CXXC5: variants seen among roughly 807,000 people sequenced by gnomAD.
CXXC5 encodes the protein CXXC finger protein 5.
Under a neutral mutation model 17.6 loss-of-function variants are expected in CXXC5, and 2 were observed. That is an observed-to-expected ratio of 0.11 (90% confidence interval 0.05 to 0.36). CXXC5 has a LOEUF of 0.36. Among genes scored for constraint, CXXC5 ranks in the 10% least tolerant of loss-of-function variants. CXXC5 has a pLI of 1.00. For missense variants in CXXC5, 343 were observed against 458.3 expected, an observed-to-expected ratio of 0.75 and a Z score of 2.30; for synonymous variants, 171 against 193.0, an observed-to-expected ratio of 0.89 and a Z score of 0.94.
chr5:139,648,997 C>T (rs920855927), intron 1 of CXXC5, 152 bp downstream of exon 1: 1 of 152,176 alleles, frequency 6.6e-6, no homozygotes, highest in African/African-American at 2.4e-5. Context: ...GCGCGGGTTC[C>T]CCCGAAGTTC....
At chr5:139,650,351 C>T (rs1755099268) in intron 1 of CXXC5, among the ~76,000 whole-genome samples, 1 of 152,220 alleles carries the variant, frequency 6.6e-6, no homozygotes, top group African/African-American at 2.4e-5. Flanking sequence ...CCCACCTTTC[C>T]TCGCGCGGCG....
In CXXC5 at chr5:139,680,947, G is replaced by A; in HGVS notation, c.424G>A (p.Ala142Thr). 6.2e-7 allele frequency: 1 copy of A among 1,601,776 alleles called. No homozygotes were observed. The highest frequency in any genetic ancestry group is 8.5e-7 in the Non-Finnish European group (1 of 1,179,940). The change falls in exon 2 of 3, where the codon GCC becomes ACC. Residue 142 changes from alanine to threonine, a missense_variant. Ala to Thr is a moderately conservative substitution (Grantham distance 58). Coordinates refer to ENST00000302517, the MANE Select transcript of CXXC5 (RefSeq NM_016463.9). Reference sequence around the variant, plus strand: ...CTCAAAGCACAAAAGTGGTGCTGTGGCCAGCCTGCTGAGCAAGGCAGAGCG... The same window carrying A: ...CTCAAAGCACAAAAGTGGTGCTGTGACCAGCCTGCTGAGCAAGGCAGAGCG... ...PTSKHKSGAV[A>T]SLLSKAERAT...
rs75531555 is a variant in CXXC5 at position 139,659,044 on chromosome 5, G to A, written c.-161+10199G>A. 1.0e-2 allele frequency among the ~76,000 whole-genome samples: 1,517 copies of A among 152,260 alleles called. 16 individuals are homozygous for A. Among genetic ancestry groups the A allele is most frequent in the Middle Eastern group, 0.041 (12 of 294 alleles). On this transcript the variant is annotated intron_variant, in intron 1 of 2. Transcript: ENST00000302517. ...GGGACCTGCAGTCAACCCCTTTCAG[G>A]AAGAGCACAGTGGGGGATGCGTGGC...
intron 1 of CXXC5, among the ~76,000 whole-genome samples, chr5:139,679,432 C>T (rs3822742): frequency 1.3e-5 from 2 of 151,852 alleles, no homozygotes; most frequent in Non-Finnish European, 2.9e-5. Context: ...CTGTAGCAGG[C>T]GGGGAGAAGA....
Position 139,680,529 on chromosome 5 carries a change from G to T in CXXC5, c.6G>T (p.Ser2=), listed in dbSNP as rs368558479. The T allele has an allele frequency of 3.9e-6, 6 of 1,556,824 alleles. No individual in the cohort carries two copies. In the East Asian group the frequency reaches 1.5e-4, roughly 38 times the overall value. The change falls in exon 2 of 3, where the codon TCG becomes TCT. Residue 2 remains serine, a synonymous_variant. Coordinates refer to ENST00000302517, the MANE Select transcript of CXXC5 (RefSeq NM_016463.9). ...GTCTGGGCCTCGGCCCCACCATGTC[G>T]AGCCTCGGCGGTGGCTCCCAGGATG... M[S]SLGGGSQDAG... is the part of the protein sequence containing the mutation.
At chr5:139,654,212 C>G (rs1461982439) in intron 1 of CXXC5, among the ~76,000 whole-genome samples, 1 of 152,194 alleles carries the variant, frequency 6.6e-6, no homozygotes, top group African/African-American at 2.4e-5. Flanking sequence ...CTGGGTGTCC[C>G]TTGTCAGAGC....
In CXXC5 at chr5:139,680,744, G is replaced by A; in HGVS notation, c.221G>A (p.Arg74His). Residue 74 changes from arginine to histidine, a missense_variant, in exon 2 of 3, where the codon CGC becomes CAC. Physicochemically the swap from Arg to His is conservative, Grantham distance 29. Transcript: ENST00000302517. ...AGTGAGCCCCTCAACAAGAGCCTGCGCCGCTCCCGCCCGCTCTCCCACTAC... is the reference window on the plus strand; with the variant it reads ...AGTGAGCCCCTCAACAAGAGCCTGCACCGCTCCCGCCCGCTCTCCCACTAC... ...IISEPLNKSLRRSRPLSHYSS... is the reference protein window; with the variant it reads ...IISEPLNKSLHRSRPLSHYSS... 6.2e-7 allele frequency: 1 copy of A among 1,613,510 alleles called. No homozygotes were observed.
chr5:139,653,489 T>C (rs1381997136), intron 1 of CXXC5, among the ~76,000 whole-genome samples: 1 of 152,194 alleles, frequency 6.6e-6, no homozygotes, highest in Non-Finnish European at 1.5e-5. Flanking sequence ...AGCATGTGTG[T>C]CTGGCTGCCA....
In CXXC5 at chr5:139,661,462, A is replaced by G. The variant is rs1165273398; in HGVS notation, c.-161+12617A>G. Among the ~76,000 whole-genome samples the G allele has an allele frequency of 1.3e-5, 2 of 152,192 alleles. No homozygotes were observed. The highest frequency in any genetic ancestry group is 1.9e-4 in the East Asian group (1 of 5,196). On this transcript the variant is annotated intron_variant, in intron 1 of 2. Transcript: ENST00000302517. This position sits in a 1 kb window ranked among gnomAD's most constrained non-coding sequence, Gnocchi z 4.7. Reference sequence around the variant, plus strand: ...AGACTCGGTCACATGCACCATGCACACACAGCTCCCATGTGGTGCTCCAGA... The same window carrying G: ...AGACTCGGTCACATGCACCATGCACGCACAGCTCCCATGTGGTGCTCCAGA...
At chr5:139,677,097 C>T (rs916707404) in intron 1 of CXXC5, among the ~76,000 whole-genome samples, 7 of 152,040 alleles carry the variant, frequency 4.6e-5, no homozygotes, top group Admixed American at 1.3e-4. Flanking sequence ...GGCGGGGCGG[C>T]GGGGCGCTGG....
intron 1 of CXXC5, among the ~76,000 whole-genome samples, chr5:139,675,181 G>A (rs1270715250): frequency 6.6e-6 from 1 of 152,162 alleles, no homozygotes; most frequent in Non-Finnish European, 1.5e-5. Context: ...GGCTGCTGTC[G>A]AGGTAGGTGC....
At chr5:139,651,413 A>C in intron 1 of CXXC5, among the ~76,000 whole-genome samples, 1 of 148,714 alleles carries the variant, frequency 6.7e-6, no homozygotes, top group Non-Finnish European at 1.5e-5. Flanking sequence ...TGGGTGGGGG[A>C]AGGGGAGGGG....
chr5:139,675,252 T>C (rs538969266), intron 1 of CXXC5, among the ~76,000 whole-genome samples: 195 of 152,276 alleles, frequency 1.3e-3, no homozygotes, highest in African/African-American at 4.6e-3. Context: ...TGTGTACATG[T>C]CTGTGTGCAG....
At chr5:139,659,541 C>G (rs1044231714) in intron 1 of CXXC5, 5 of 152,592 alleles carry the variant, frequency 3.3e-5, no homozygotes, top group African/African-American at 1.2e-4. Context: ...GGGCTGGGCC[C>G]TCATCCAGAT....
At chr5:139,675,943 G>A (rs908003471) in intron 1 of CXXC5, among the ~76,000 whole-genome samples, 10 of 152,012 alleles carry the variant, frequency 6.6e-5, no homozygotes, top group Admixed American at 6.5e-4. Flanking sequence ...GCCTTCTGGG[G>A]CTGGCCAGAG....
intron 2 of CXXC5, 96 bp downstream of exon 2, chr5:139,681,543 A>C: frequency 6.9e-7 from 1 of 1,445,298 alleles, no homozygotes; most frequent in Non-Finnish European, 9.2e-7. Flanking sequence ...CTACCTGGGC[A>C]AGTGTCTGGG....
At chr5:139,678,247 C>T (rs1331025456) in intron 1 of CXXC5, among the ~76,000 whole-genome samples, 2 of 152,230 alleles carry the variant, frequency 1.3e-5, no homozygotes, top group African/African-American at 4.8e-5. Context: ...GTCACTGATT[C>T]CTGAAAGGGT....
rs138410073 is a variant in CXXC5, at chr5:139,651,617, C to T, written c.-161+2772C>T. 4.8e-4 allele frequency among the ~76,000 whole-genome samples: 73 copies of T among 152,226 alleles called. No homozygotes were observed. In the East Asian group the frequency reaches 0.014, roughly 28 times the overall value. ...GAAACAAGTCCAGGGGAATGAAATA[C>T]CCTGCCTTCTTCAGGACTGACTGCA... On this transcript the variant is annotated intron_variant, in intron 1 of 2. Coordinates refer to ENST00000302517, the MANE Select transcript of CXXC5 (RefSeq NM_016463.9).
intron 1 of CXXC5, among the ~76,000 whole-genome samples, chr5:139,676,081 G>A (rs1018192825): frequency 1.1e-4 from 16 of 151,742 alleles, no homozygotes; most frequent in African/African-American, 3.9e-4. Context: ...GCCATGCTCT[G>A]GGGCCAAGAA....
Sources: allele counts gnomAD v4.1 joint callset (sites outside exome capture counted in the v4.1 genomes callset), GRCh38; gene constraint gnomAD v4.1.1; non-coding constraint Gnocchi (gnomAD v3.1); transcripts MANE v1.5; gene names NCBI Gene and HGNC (gene_info 2026-07-23, HGNC 2026-07-21).